The following NAV1 variants were observed in gnomAD, a reference collection of about 807,000 sequenced individuals.
NAV1 encodes pore membrane and/or filament interacting like protein 3.
A neutral mutation model predicts 175.2 loss-of-function variants in NAV1; 18 were observed. That is an observed-to-expected ratio of 0.10 (90% CI 0.07 to 0.15). The LOEUF (loss-of-function observed/expected upper bound fraction) is 0.15, where lower values mean the gene tolerates loss of function less well. NAV1 is among the 10% of genes least tolerant of loss of function. NAV1 has a pLI of 1.00. For missense variants in NAV1, 1,731 were observed against 2,436.6 expected (o/e 0.71, Z 6.10); for synonymous variants, 897 against 978.7 (o/e 0.92, Z 1.56).
chr1:201,636,285 C>T (rs907483696), intron 2 of NAV1, among the ~76,000 whole-genome samples: 1 of 152,206 alleles, frequency 6.6e-6, no homozygotes, highest in African/African-American at 2.4e-5. Flanking sequence ...CTGGAACACA[C>T]CATCCCAAGA....
intron 15 of NAV1, among the ~76,000 whole-genome samples, chr1:201,799,896 T>G (rs1047494050): frequency 2.6e-4 from 40 of 152,152 alleles, no homozygotes; most frequent in Non-Finnish European, 5.0e-4. Flanking sequence ...AGTGTATTTT[T>G]TAAATGTAAC....
rs546334249 is a variant in NAV1, at chr1:201,661,618, A to T, written c.757+12193A>T. Among the ~76,000 whole-genome samples, 10 of 152,162 alleles carry T rather than the reference A, an allele frequency of 6.6e-5. No individual in the cohort carries two copies. In the East Asian group the frequency reaches 1.7e-3, roughly 27 times the overall value. ...CACTTAACTGCCTGGTAAAATAGGG[A>T]TTAGACTCCCCAGCTCCCAGATCTG... On this transcript the variant is annotated intron_variant, in intron 1 of 29. Coordinates refer to ENST00000367296, the Ensembl canonical transcript of NAV1.
chr1:201,770,103 G>A (rs1310710312), intron 3 of NAV1, among the ~76,000 whole-genome samples: 1 of 152,180 alleles, frequency 6.6e-6, no homozygotes, highest in African/African-American at 2.4e-5. Flanking sequence ...GGAATAGCTG[G>A]GCCTAAAATG....
intron 16 of NAV1, 133 bp downstream of exon 20, chr1:201,803,847 C>T (rs186979973): frequency 5.0e-5 from 58 of 1,170,498 alleles, no homozygotes; most frequent in Admixed American, 3.4e-4. Context: ...GTGTGATGTC[C>T]GCTCAGAGCA....
At chr1:201,705,409 G>A (rs542812341) in intron 1 of NAV1, among the ~76,000 whole-genome samples, 17 of 152,124 alleles carry the variant, frequency 1.1e-4, no homozygotes, top group Non-Finnish European at 1.8e-4. Flanking sequence ...GGCTCTTTCT[G>A]GGTATGTGTC....
chr1:201,743,089 A>G (rs754785340), intron 3 of NAV1, among the ~76,000 whole-genome samples: 10 of 152,170 alleles, frequency 6.6e-5, no homozygotes, highest in Non-Finnish European at 1.2e-4. Context: ...ATCCCATTTC[A>G]CAGATGAAGA....
chr1:201,655,542 C>G (rs906531967), intron 1 of NAV1, among the ~76,000 whole-genome samples: 1 of 152,334 alleles, frequency 6.6e-6, no homozygotes, highest in South Asian at 2.1e-4. Context: ...CCACACCTTC[C>G]CCCACACTGC....
intron 1 of NAV1, among the ~76,000 whole-genome samples, chr1:201,541,527 G>C (rs570168046): frequency 6.6e-6 from 1 of 152,270 alleles, no homozygotes; most frequent in South Asian, 2.1e-4. Flanking sequence ...CAGGTGCGGT[G>C]GCTCATGCCC....
chr1:201,790,663 A>G (rs1485110485), intron 12 of NAV1, 26 bp from the exon 17 acceptor site: 8 of 1,613,956 alleles, frequency 5.0e-6, no homozygotes, highest in Non-Finnish European at 6.8e-6. Flanking sequence ...TGCAGCCAGT[A>G]GTTTGTATTT....
At chr1:201,748,617 GCTAT>G (rs1473009893) in intron 3 of NAV1, among the ~76,000 whole-genome samples, 2 of 152,170 alleles carry the variant, frequency 1.3e-5, no homozygotes, top group Non-Finnish European at 2.9e-5. Flanking sequence ...GAGCATTCCT[GCTAT>G]CTGAGAAACT....
At chr1:201,777,022 A>G (rs1258287844) in intron 3 of NAV1, among the ~76,000 whole-genome samples, 3 of 152,258 alleles carry the variant, frequency 2.0e-5, no homozygotes, top group Non-Finnish European at 4.4e-5. Flanking sequence ...CAATGCCTTT[A>G]GATTCTGAAA....
intron 1 of NAV1, among the ~76,000 whole-genome samples, chr1:201,549,333 C>T (rs936992552): frequency 2.6e-5 from 4 of 151,972 alleles, no homozygotes; most frequent in African/African-American, 7.3e-5. Context: ...CGCAGCCTCC[C>T]GAGTAGCTGG....
intron 29 of NAV1, among the ~76,000 whole-genome samples, chr1:201,817,592 C>T (rs914799626): frequency 1.3e-5 from 2 of 152,118 alleles, no homozygotes; most frequent in African/African-American, 4.8e-5. Context: ...CTCTAAATAT[C>T]AGAATCTGGG....
chr1:201,676,579 C>A (rs1670260128), intron 1 of NAV1, among the ~76,000 whole-genome samples: 1 of 150,736 alleles, frequency 6.6e-6, no homozygotes, highest in Non-Finnish European at 1.5e-5. Context: ...ATAGTTTCAC[C>A]CCAGTGGTCC....
At chr1:201,669,833 G>C (rs1669966759) in intron 1 of NAV1, among the ~76,000 whole-genome samples, 1 of 152,212 alleles carries the variant, frequency 6.6e-6, no homozygotes, top group South Asian at 2.1e-4. Flanking sequence ...AACTGACCAG[G>C]GATTCCCCGG....
chr1:201,818,528 C>CA (rs373302622), intron 29 of NAV1, among the ~76,000 whole-genome samples: 15,028 of 93,580 alleles, frequency 0.16, 1,474 homozygotes, highest in East Asian at 0.34. Flanking sequence ...GACTCCCTCT[C>CA]AAAAAAAAAA....
At chr1:201,778,856 A>G (rs1676117803) in intron 3 of NAV1, among the ~76,000 whole-genome samples, 1 of 152,246 alleles carries the variant, frequency 6.6e-6, no homozygotes. Context: ...CTCAGAATAA[A>G]TCAAAAAGAA....
chr1:201,771,945 T>C (rs1675616788), intron 3 of NAV1, among the ~76,000 whole-genome samples: 1 of 152,196 alleles, frequency 6.6e-6, no homozygotes, highest in Non-Finnish European at 1.5e-5. Flanking sequence ...TATAAACAAA[T>C]TACTAGTTAT....
chr1:201,542,797 C>A (rs1282905745), intron 1 of NAV1, among the ~76,000 whole-genome samples: 4 of 152,200 alleles, frequency 2.6e-5, no homozygotes, highest in African/African-American at 9.7e-5. Flanking sequence ...GATGCATGTG[C>A]CTCTGCCAAG....
Sources: gnomAD v4.1 joint callset for allele counts (sites outside exome capture counted in the v4.1 genomes callset) on GRCh38, gnomAD v4.1.1 for gene constraint, MANE v1.5 for transcripts, NCBI Gene and HGNC (gene_info 2026-07-23, HGNC 2026-07-21) for gene names.